DPP6: variants seen among roughly 807,000 people sequenced by gnomAD.
The protein encoded by DPP6 is dipeptidyl peptidase like 6.
Under a neutral mutation model 122.6 loss-of-function variants are expected in DPP6, and 69 were observed. The observed-to-expected ratio is 0.56, with a 90% CI of 0.46 to 0.69. The LOEUF (loss-of-function observed/expected upper bound fraction) is 0.69, where lower values mean the gene tolerates loss of function less well. DPP6 is among the 30% of genes least tolerant of loss of function. DPP6 has a pLI of 0.00. For synonymous variants in DPP6, 418 were observed against 433.1 expected, an observed-to-expected ratio of 0.97 and a Z score of 0.43; for missense variants, 928 against 1,116.9, an observed-to-expected ratio of 0.83 and a Z score of 2.41.
At chr7:154,724,734 A>T (rs1841985035) in intron 7 of DPP6, among the ~76,000 whole-genome samples, 2 of 151,804 alleles carry the variant, frequency 1.3e-5, no homozygotes, top group Non-Finnish European at 2.9e-5. Flanking sequence ...ACCCCTAGAG[A>T]CAGGAAGTAG....
chr7:154,061,876 G>C lies in DPP6; in HGVS notation c.243+8813G>C, dbSNP rs549597591. ...CGCTGGGGGCGGAGGCACCCCCCGC[G>C]AGGCAGGGACTGAGAGGCAATCCCT... is the stretch of plus-strand genomic sequence containing the variant. On this transcript the variant is annotated intron_variant, in intron 1 of 25. Coordinates refer to ENST00000377770, the MANE Select transcript of DPP6 (RefSeq NM_130797.4). 6.8e-4 allele frequency among the ~76,000 whole-genome samples: 87 copies of C among 128,786 alleles called. 1 individual carries two copies. Among genetic ancestry groups the C allele is most frequent in the African/African-American group, 2.5e-3 (85 of 33,966 alleles). The allele number at this position is 128,786 out of a possible 152,430, so 84.5% of individuals were successfully genotyped here.
At chr7:154,452,185 C>T (rs1221438289) in intron 2 of DPP6, among the ~76,000 whole-genome samples, 1 of 152,202 alleles carries the variant, frequency 6.6e-6, no homozygotes, top group African/African-American at 2.4e-5. Context: ...AGAGAAGATG[C>T]CAGTACTTCC....
At chr7:153,857,345 TC>T in the DPP6 span, among the ~76,000 whole-genome samples, 1 of 151,652 alleles carries the variant, frequency 6.6e-6, no homozygotes, top group African/African-American at 2.4e-5. Flanking sequence ...TCTCTCTCTC[TC>T]TCTCTCTCTC....
chr7:154,015,884 A>G (rs1163699629), intron 1 of DPP6, among the ~76,000 whole-genome samples: 1 of 151,576 alleles, frequency 6.6e-6, no homozygotes, highest in Non-Finnish European at 1.5e-5. Context: ...CAGATCCATC[A>G]CCCCCTGGAG....
Position 154,229,025 on chromosome 7 carries a change from G to A in DPP6, c.243+175962G>A, listed in dbSNP as rs191024703. 7.2e-5 allele frequency among the ~76,000 whole-genome samples: 11 copies of A among 152,284 alleles called. No individual in the cohort carries two copies. The East Asian group carries it at 2.1e-3, about 29-fold the overall frequency. On this transcript the variant is annotated intron_variant, in intron 1 of 25. Transcript: ENST00000377770. ...TGCCCTTGTTTGATGAGAGGAGTGA[G>A]TAGGAGCATTGTCCTGGTGGAGAAG... is the stretch of plus-strand genomic sequence containing the variant.
intron 5 of DPP6, among the ~76,000 whole-genome samples, chr7:154,615,041 G>C (rs760684157): frequency 5.9e-5 from 9 of 152,146 alleles, no homozygotes; most frequent in Non-Finnish European, 1.3e-4. Flanking sequence ...GACAAGAGAC[G>C]GTCAGAACTT....
At chr7:154,443,712 C>T (rs1296294728) in intron 1 of DPP6, among the ~76,000 whole-genome samples, 2 of 150,018 alleles carry the variant, frequency 1.3e-5, no homozygotes, top group East Asian at 2.0e-4. Context: ...ATGGATACGT[C>T]GACGAATGTG....
intron 1 of DPP6, among the ~76,000 whole-genome samples, chr7:154,175,654 C>T (rs202043050): frequency 6.6e-6 from 1 of 151,878 alleles, no homozygotes; most frequent in East Asian, 1.9e-4. Context: ...CAGAGCACTC[C>T]TACACCTACC....
the DPP6 span, among the ~76,000 whole-genome samples, chr7:153,836,500 A>C: frequency 6.6e-6 from 1 of 152,136 alleles, no homozygotes; most frequent in Non-Finnish European, 1.5e-5. Context: ...GACATTATAT[A>C]ATTTATCTTT....
the DPP6 span, among the ~76,000 whole-genome samples, chr7:153,835,273 A>T: frequency 6.6e-6 from 1 of 152,192 alleles, no homozygotes; most frequent in Non-Finnish European, 1.5e-5. Context: ...CAGTTAGAGG[A>T]AGCATTGTTG....
chr7:154,814,501 G>A (rs191121751), intron 16 of DPP6, among the ~76,000 whole-genome samples: 51 of 152,204 alleles, frequency 3.4e-4, no homozygotes, highest in Admixed American at 1.5e-3. Flanking sequence ...AGATGACTGG[G>A]GATGCCCAGG....
At chr7:154,659,461 T>A (rs2873108) in intron 6 of DPP6, among the ~76,000 whole-genome samples, 100,636 of 152,220 alleles carry the variant, frequency 0.66, 35,657 homozygotes, top group Non-Finnish European at 0.8. Context: ...TCAAATTATT[T>A]ACCAGTTTAT....
At chr7:154,702,897 G>A (rs867437097) in intron 7 of DPP6, among the ~76,000 whole-genome samples, 18 of 152,304 alleles carry the variant, frequency 1.2e-4, no homozygotes, top group Admixed American at 2.6e-4. Flanking sequence ...AGCTAGAGAG[G>A]AAAATTCAAT....
chr7:153,802,175 T>A, the DPP6 span, among the ~76,000 whole-genome samples: 1 of 152,200 alleles, frequency 6.6e-6, no homozygotes, highest in Non-Finnish European at 1.5e-5. Flanking sequence ...CACCTAAATC[T>A]AAATGCCATT....
chr7:153,785,004 C>T, the DPP6 span, among the ~76,000 whole-genome samples: 4 of 152,292 alleles, frequency 2.6e-5, no homozygotes, highest in East Asian at 1.9e-4. Flanking sequence ...ATTCAGTTTA[C>T]AGGTAATGCA....
At chr7:154,427,499 C>T (rs1818011646) in intron 1 of DPP6, among the ~76,000 whole-genome samples, 1 of 152,198 alleles carries the variant, frequency 6.6e-6, no homozygotes, top group Non-Finnish European at 1.5e-5. Flanking sequence ...AGAGGCTGAA[C>T]TTGACTGAAA....
intron 8 of DPP6, among the ~76,000 whole-genome samples, chr7:154,728,433 A>G (rs1013496503): frequency 2.6e-5 from 4 of 152,218 alleles, no homozygotes; most frequent in East Asian, 1.9e-4. Context: ...CTCATGCTGT[A>G]TACATTATTA....
In DPP6 at chr7:154,453,425, T is replaced by C. The variant is rs148079022; in HGVS notation, c.358+7097T>C. On this transcript the variant is annotated intron_variant, in intron 2 of 25. Coordinates refer to ENST00000377770, the MANE Select transcript of DPP6 (RefSeq NM_130797.4). ...TAAAATGTCATCACTGTTTAATGTCTGTGACCGCATTGCCAACCCTCACCT... is the reference window on the plus strand; with the variant it reads ...TAAAATGTCATCACTGTTTAATGTCCGTGACCGCATTGCCAACCCTCACCT... Among the ~76,000 whole-genome samples the C allele has an allele frequency of 4.7e-3, 723 of 152,260 alleles. 2 individuals are homozygous for C. The highest frequency in any genetic ancestry group is 0.014 in the Middle Eastern group (4 of 294).
At chr7:154,872,191 C>A (rs578084081) in intron 18 of DPP6, among the ~76,000 whole-genome samples, 1 of 152,190 alleles carries the variant, frequency 6.6e-6, no homozygotes, top group Admixed American at 6.5e-5. Flanking sequence ...TCTCCCCTGA[C>A]CCTCTATCTC....
Sources: allele counts gnomAD v4.1 joint callset (sites outside exome capture counted in the v4.1 genomes callset), GRCh38; gene constraint gnomAD v4.1.1; transcripts MANE v1.5; gene names NCBI Gene and HGNC (gene_info 2026-07-23, HGNC 2026-07-21).